Variants in C12orf56 observed in about 807,000 individuals in gnomAD.
C12orf56 encodes chromosome 12 open reading frame 56, also known as uncharacterized protein C12orf56.
In C12orf56, 71 loss-of-function variants were observed where a neutral mutation model predicts 69.9. The ratio of observed to expected loss-of-function variants is 1.02; its 90% CI spans 0.84 to 1.24. The LOEUF is 1.24. Among genes scored for constraint, C12orf56 ranks in the 50% most tolerant of loss-of-function variants. The pLI is 0.00. For synonymous variants in C12orf56, 276 were observed against 274.1 expected, an observed-to-expected ratio of 1.01 and a Z score of -0.07; for missense variants, 732 against 738.5, an observed-to-expected ratio of 0.99 and a Z score of 0.10.
At chr12:64,360,390 A>C (rs1282755641) in intron 1 of C12orf56, among the ~76,000 whole-genome samples, 1 of 152,160 alleles carries the variant, frequency 6.6e-6, no homozygotes, top group Non-Finnish European at 1.5e-5. Context: ...ATGCCATTGC[A>C]CCCTAGCCTG....
At chr12:64,348,055 G>A (rs1282781311) in intron 2 of C12orf56, among the ~76,000 whole-genome samples, 2 of 152,186 alleles carry the variant, frequency 1.3e-5, no homozygotes, top group Non-Finnish European at 2.9e-5. Flanking sequence ...AAGGCAAGCA[G>A]ATCACCTGAA....
At chr12:64,353,108 A>G in intron 1 of C12orf56, 52 bp from the exon 2 acceptor site, 1 of 1,548,134 alleles carries the variant, frequency 6.5e-7, no homozygotes, top group Non-Finnish European at 8.8e-7. Context: ...CTGCTTACCT[A>G]TTTTGGTATA....
intron 1 of C12orf56, among the ~76,000 whole-genome samples, chr12:64,367,028 T>C (rs199503020): frequency 0.049 from 940 of 19,188 alleles, 32 homozygotes; most frequent in African/African-American, 0.12. Flanking sequence ...ACACTTTATA[T>C]ATTATATATA....
chr12:64,373,566 C>T (rs930039108), intron 1 of C12orf56, among the ~76,000 whole-genome samples: 1 of 152,212 alleles, frequency 6.6e-6, no homozygotes. Context: ...CCAGCAAGTG[C>T]TAAATTGTGA....
In C12orf56 at chr12:64,270,549, T is replaced by C. The variant is rs766056715; in HGVS notation, c.1750A>G (p.Arg584Gly). Reference sequence around the variant, plus strand: ...ATTTTTTCTTACCTGAATTCTTCTCTGTAGTTATTCCTAATATACTCAGCT... The same window carrying C: ...ATTTTTTCTTACCTGAATTCTTCTCCGTAGTTATTCCTAATATACTCAGCT... ...TLAEYIRNNY[R>G]EEFRYFIHMP... The change falls in exon 12 of 13, where the codon AGA becomes GGA. Residue 584 changes from arginine to glycine, a missense_variant. By Grantham distance (125) the Arg-to-Gly change is moderately radical (BLOSUM62 -2). Coordinates refer to ENST00000543942, the MANE Select transcript of C12orf56 (RefSeq NM_001170633.2). The C allele has an allele frequency of 3.2e-6, 5 of 1,578,406 alleles. No homozygotes were observed. Among genetic ancestry groups the C allele is most frequent in the Non-Finnish European group, 4.3e-6 (5 of 1,166,270 alleles).
In C12orf56 at chr12:64,384,143, C is replaced by T. The variant is rs578051107; in HGVS notation, c.252+6171G>A. Among the ~76,000 whole-genome samples, 4 of 152,268 alleles carry T rather than the reference C, an allele frequency of 2.6e-5. No individual in the cohort carries two copies. The South Asian group carries it at 6.2e-4, about 24-fold the overall frequency. The stretch of plus-strand genomic sequence containing the variant: ...CATTTCATAGATGAAGGAACTGAGG[C>T]AGAGAGAAGCTAAGCAGTTTTTTTT... On this transcript the variant is annotated intron_variant, in intron 1 of 12. Transcript: ENST00000543942.
chr12:64,273,698 T>C (rs2038017807), intron 11 of C12orf56, among the ~76,000 whole-genome samples: 1 of 152,206 alleles, frequency 6.6e-6, no homozygotes. Context: ...CTCTGCTCAC[T>C]GTGGTTACTC....
At chr12:64,324,427 G>A (rs1263233397) in intron 3 of C12orf56, among the ~76,000 whole-genome samples, 2 of 152,224 alleles carry the variant, frequency 1.3e-5, no homozygotes, top group African/African-American at 2.4e-5. Context: ...CAAACTAGGT[G>A]ATCAAGCAAG....
In C12orf56 at chr12:64,286,039, T is replaced by A. The variant is rs1411166721; in HGVS notation, c.1135A>T (p.Ile379Leu). Residue 379 changes from isoleucine to leucine, a missense_variant, in exon 7 of 13, where the codon ATA becomes TTA. Transcript: ENST00000543942. ...FWKTSDLFYF[I>L]VNKLHEYLPE... ...AAGTACTCATGAAGTTTGTTTACTA[T>A]GAAATAGAAAAGGTCACTGGTCTGT... 2 of 1,605,984 alleles carry A rather than the reference T, an allele frequency of 1.2e-6. No homozygotes were observed. The highest frequency in any genetic ancestry group is 1.7e-6 in the Non-Finnish European group (2 of 1,174,876).
intron 2 of C12orf56, among the ~76,000 whole-genome samples, chr12:64,331,252 A>G (rs1471122761): frequency 6.6e-6 from 1 of 152,118 alleles, no homozygotes; most frequent in Non-Finnish European, 1.5e-5. Context: ...TGTAATCCCA[A>G]CATTTTAGAA....
chr12:64,313,032 A>G (rs2038640419), intron 4 of C12orf56, among the ~76,000 whole-genome samples: 1 of 151,926 alleles, frequency 6.6e-6, no homozygotes, highest in African/African-American at 2.4e-5. Context: ...AGGCCGAGGC[A>G]GGCAGATCAC....
At chr12:64,321,432 C>T (rs2038771217) in intron 3 of C12orf56, among the ~76,000 whole-genome samples, 1 of 152,162 alleles carries the variant, frequency 6.6e-6, no homozygotes, top group Non-Finnish European at 1.5e-5. Flanking sequence ...GCCTCAGTCT[C>T]CCAAATTGCT....
chr12:64,357,757 G>A (rs972770751), intron 1 of C12orf56, among the ~76,000 whole-genome samples: 2 of 151,776 alleles, frequency 1.3e-5, no homozygotes, highest in South Asian at 2.1e-4. Context: ...AAACATTAGC[G>A]AGGCTTAGTG....
At chr12:64,349,050 T>C (rs1265573482) in intron 2 of C12orf56, among the ~76,000 whole-genome samples, 3 of 152,170 alleles carry the variant, frequency 2.0e-5, no homozygotes, top group Non-Finnish European at 2.9e-5. Context: ...TGGAGTGCAA[T>C]GGTGTGATCT....
chr12:64,329,800 G>A, intron 3 of C12orf56, among the ~76,000 whole-genome samples: 1 of 150,232 alleles, frequency 6.7e-6, no homozygotes, highest in Non-Finnish European at 1.5e-5. Context: ...TCTTGTGATA[G>A]TTTACTGAGA....
chr12:64,349,402 A>C (rs956706898), intron 2 of C12orf56, among the ~76,000 whole-genome samples: 6 of 152,244 alleles, frequency 3.9e-5, no homozygotes, highest in Non-Finnish European at 8.8e-5. Context: ...GAACACTTTT[A>C]CACTGCTGGT....
chr12:64,305,722 A>C (rs1365879117), intron 5 of C12orf56, among the ~76,000 whole-genome samples: 1 of 152,184 alleles, frequency 6.6e-6, no homozygotes, highest in Admixed American at 6.6e-5. Context: ...GCATGTCTTC[A>C]TACACACTAA....
chr12:64,360,296 G>T (rs900157734), intron 1 of C12orf56, among the ~76,000 whole-genome samples: 5 of 151,536 alleles, frequency 3.3e-5, no homozygotes, highest in African/African-American at 1.2e-4. Context: ...ATGGTGGCAG[G>T]TGCCTGTAAT....
chr12:64,276,759 C>T (rs933321913), intron 9 of C12orf56, among the ~76,000 whole-genome samples: 6 of 151,100 alleles, frequency 4.0e-5, no homozygotes, highest in East Asian at 1.9e-4. Flanking sequence ...TTTGGGAGGC[C>T]GAGACAGGCA....
Sources: gnomAD v4.1 joint callset for allele counts (sites outside exome capture counted in the v4.1 genomes callset) on GRCh38, gnomAD v4.1.1 for gene constraint, MANE v1.5 for transcripts, NCBI Gene and HGNC (gene_info 2026-07-23, HGNC 2026-07-21) for gene names.